The following NUP58 variants were observed in gnomAD, a reference collection of about 807,000 sequenced individuals.
NUP58 encodes the protein nucleoporin 58, also known as nucleoporin p58/p45.
Under a neutral mutation model 70.1 loss-of-function variants are expected in NUP58, and 17 were observed. The observed-to-expected ratio is 0.24, with a 90% CI of 0.17 to 0.36. The LOEUF (loss-of-function observed/expected upper bound fraction) is 0.36. Among genes scored for constraint, NUP58 ranks in the 10% least tolerant of loss-of-function variants. The probability of loss-of-function intolerance (pLI) is 1.00; values close to 1 mark genes in which losing one functional copy is unlikely to be tolerated. For synonymous variants in NUP58, 275 were observed against 257.6 expected (o/e 1.07, Z -0.65); for missense variants, 644 against 701.5 (o/e 0.92, Z 0.93).
At chr13:25,334,203 C>G (rs150140574) in intron 13 of NUP58, 15,707 of 985,366 alleles carry the variant, frequency 0.016, 147 homozygotes, top group Non-Finnish European at 0.017. Flanking sequence ...CAGAACTTGA[C>G]ACTTGTCTAT....
chr13:25,340,963 A>G lies in NUP58; in HGVS notation c.*829A>G, dbSNP rs1169763475. On this transcript the variant is annotated 3_prime_UTR_variant, in exon 16 of 16. Transcript: ENST00000381736. ...TAAAATATATATTTACAGGCCTACA[A>G]CTTTTGCCTCAGACTGTTCCCCTTT... 1.3e-5 allele frequency: 2 copies of G among 152,158 alleles called. No individual in the cohort carries two copies. Among genetic ancestry groups the G allele is most frequent in the Non-Finnish European group, 2.9e-5 (2 of 68,068 alleles). 9.4% of individuals were successfully genotyped at this position (152,158 alleles called of 1,614,324 possible). A position where few individuals can be genotyped will look rare whatever the true frequency, so the allele number is the denominator to read the frequency against.
intron 9 of NUP58, among the ~76,000 whole-genome samples, chr13:25,323,141 G>A (rs1434433255): frequency 6.6e-6 from 1 of 152,100 alleles, no homozygotes; most frequent in East Asian, 1.9e-4. Flanking sequence ...CTAGTAGGGT[G>A]AATGAAATAA....
Position 25,313,863 on chromosome 13 carries a change from A to G in NUP58, c.574+112A>G, listed in dbSNP as rs1232862441. 8 of 746,870 alleles carry G rather than the reference A, an allele frequency of 1.1e-5. No individual in the cohort carries two copies. The East Asian group carries it at 2.1e-4, about 19-fold the overall frequency. 46.3% of individuals were successfully genotyped at this position (746,870 alleles called of 1,614,324 possible). On this transcript the variant is annotated intron_variant, in intron 5 of 15. Coordinates refer to ENST00000381736, the MANE Select transcript of NUP58 (RefSeq NM_014089.4). Reference sequence around the variant, plus strand: ...TTTTAATCTGCATATTTTCCTTTAAATATGAAAACTAAATTATAAAATGAT... The same window carrying G: ...TTTTAATCTGCATATTTTCCTTTAAGTATGAAAACTAAATTATAAAATGAT...
Position 25,340,793 on chromosome 13 carries a change from C to T in NUP58, c.*659C>T, listed in dbSNP as rs2031931319. 6.6e-6 allele frequency: 1 copy of T among 151,942 alleles called. No individual in the cohort carries two copies. Among genetic ancestry groups the T allele is most frequent in the African/African-American group, 2.4e-5 (1 of 41,336 alleles). The allele number at this position is 151,942 out of a possible 1,614,324, so 9.4% of individuals were successfully genotyped here. Reference sequence around the variant, plus strand: ...ATTAGCTGGGCATAGTGGCGGGTACCTATAATCCCAGCTACTCGGGAGGCT... The same window carrying T: ...ATTAGCTGGGCATAGTGGCGGGTACTTATAATCCCAGCTACTCGGGAGGCT... On this transcript the variant is annotated 3_prime_UTR_variant, in exon 16 of 16. Transcript: ENST00000381736.
intron 1 of NUP58, among the ~76,000 whole-genome samples, chr13:25,302,326 A>C (rs776863589): frequency 2.0e-5 from 3 of 152,200 alleles, no homozygotes; most frequent in African/African-American, 7.2e-5. Flanking sequence ...ACGGTGTTTT[A>C]ATAACTTTGT....
intron 13 of NUP58, chr13:25,333,190 C>T (rs1356439068): frequency 2.0e-6 from 2 of 985,074 alleles, no homozygotes; most frequent in Non-Finnish European, 2.4e-6. Flanking sequence ...CATAGGTTTT[C>T]ACTTATACAT....
intron 6 of NUP58, among the ~76,000 whole-genome samples, chr13:25,318,722 G>C (rs993453248): frequency 6.6e-6 from 1 of 152,108 alleles, no homozygotes; most frequent in African/African-American, 2.4e-5. Context: ...TACATAACTG[G>C]CAAGGTTTTT....
At chr13:25,331,775 T>G in intron 13 of NUP58, 1 of 1,386,176 alleles carries the variant, frequency 7.2e-7, no homozygotes, top group Non-Finnish European at 9.3e-7. Flanking sequence ...TATTGAATAT[T>G]GTGAATCTAC....
chr13:25,312,015 A>G (rs2137738220), intron 3 of NUP58, among the ~76,000 whole-genome samples: 1 of 152,276 alleles, frequency 6.6e-6, no homozygotes, highest in Admixed American at 6.5e-5. Flanking sequence ...GACAATGAGG[A>G]CTTAGGTAAA....
chr13:25,307,953 G>A lies in NUP58; in HGVS notation c.250+5G>A. ...CTCTAGGAGGAACAAATACAGGTGA[G>A]GAGGATCTGATCACATTGTCAGAGA... is the stretch of plus-strand genomic sequence containing the variant. On this transcript the variant is annotated splice_donor_5th_base_variant and intron_variant, in intron 2 of 15. Transcript: ENST00000381736. The A allele has an allele frequency of 6.2e-7, 1 of 1,613,606 alleles. No individual in the cohort carries two copies. The highest frequency in any genetic ancestry group is 8.5e-7 in the Non-Finnish European group (1 of 1,179,760).
rs761248247 is a variant in NUP58 at position 25,325,043 on chromosome 13, C to G, written c.1006C>G (p.Gln336Glu). Residue 336 changes from glutamine (Q) to glutamate (E), a missense_variant, in exon 10 of 16, where the codon CAA becomes GAA. Transcript: ENST00000381736. Reference protein sequence around the residue: ...LRTQKTPPGLQHEYAAPADYF... With the variant: ...LRTQKTPPGLEHEYAAPADYF... ...AACCCAGAAGACACCACCTGGACTT[C>G]AACATGAATATGCAGCTCCTGCTGA... 16 of 1,610,076 alleles carry G rather than the reference C, an allele frequency of 9.9e-6. No individual in the cohort carries two copies. In the South Asian group the frequency reaches 1.8e-4, roughly 18 times the overall value.
chr13:25,334,160 A>G (rs1476032033), intron 13 of NUP58: 4 of 985,452 alleles, frequency 4.1e-6, no homozygotes, highest in Non-Finnish European at 4.8e-6. Flanking sequence ...AATCATGAGC[A>G]TCGATAACGT....
Position 25,313,679 on chromosome 13 carries a change from GGCCTCTC to G in NUP58, c.503_509del (p.Gly168ValfsTer2), listed in dbSNP as rs776347524. 6.5e-7 allele frequency: 1 copy of G among 1,531,692 alleles called. No individual in the cohort carries two copies. Among genetic ancestry groups the G allele is most frequent in the East Asian group, 2.6e-5 (1 of 38,728 alleles). The allele number at this position is 1,531,692 out of a possible 1,614,324, so 94.9% of individuals were successfully genotyped here. Reference sequence around the variant, plus strand: ...AGCCACAACTACAACTGCATCAACAGGCCTCTCTTTAGGGGGAGCCTTAGCTGGTTTG... The same window carrying G: ...AGCCACAACTACAACTGCATCAACAGTTTAGGGGGAGCCTTAGCTGGTTTG... On this transcript the variant is annotated frameshift_variant, in exon 5 of 16. Coordinates refer to ENST00000381736, the MANE Select transcript of NUP58 (RefSeq NM_014089.4). LOFTEE classifies it high-confidence loss of function.
chr13:25,327,666 T>A (rs1019486482), intron 12 of NUP58, among the ~76,000 whole-genome samples, 154 bp downstream of exon 12: 5 of 152,208 alleles, frequency 3.3e-5, no homozygotes, highest in Non-Finnish European at 1.5e-5. Context: ...TACCCAGACA[T>A]AACGATTGAT....
chr13:25,323,150 A>G (rs746789420), intron 9 of NUP58, among the ~76,000 whole-genome samples: 1 of 152,174 alleles, frequency 6.6e-6, no homozygotes, highest in Non-Finnish European at 1.5e-5. Flanking sequence ...TGAATGAAAT[A>G]ATAAAAGATT....
intron 3 of NUP58, among the ~76,000 whole-genome samples, chr13:25,310,853 C>A (rs1237055427): frequency 2.6e-5 from 4 of 152,156 alleles, no homozygotes; most frequent in African/African-American, 9.7e-5. Flanking sequence ...TTACTACTTC[C>A]TAACCATGCA....
At chr13:25,325,149 T>A in intron 10 of NUP58, 81 bp downstream of exon 10, 1 of 978,236 alleles carries the variant, frequency 1.0e-6, no homozygotes, top group Non-Finnish European at 1.6e-6. Context: ...AACTAAATAT[T>A]TTTAGTATAC....
Position 25,341,261 on chromosome 13 carries a change from C to T in NUP58, c.*1127C>T, listed in dbSNP as rs947175849. On this transcript the variant is annotated 3_prime_UTR_variant, in exon 16 of 16. Transcript: ENST00000381736. Reference sequence around the variant, plus strand: ...CATTTTATTATCCTGTGTGTCCTTACATTGCTTCTGTGAGATGTTTTTTTC... The same window carrying T: ...CATTTTATTATCCTGTGTGTCCTTATATTGCTTCTGTGAGATGTTTTTTTC... 5 of 152,562 alleles carry T rather than the reference C, an allele frequency of 3.3e-5. No individual in the cohort carries two copies. Among genetic ancestry groups the T allele is most frequent in the Non-Finnish European group, 5.9e-5 (4 of 68,016 alleles). The allele number at this position is 152,562 out of a possible 1,614,324, so 9.5% of individuals were successfully genotyped here. A position where few individuals can be genotyped will look rare whatever the true frequency, so the allele number is the denominator to read the frequency against.
Position 25,340,313 on chromosome 13 carries a change from G to T in NUP58, c.*179G>T. The T allele has an allele frequency of 3.7e-6, 2 of 535,244 alleles. No homozygotes were observed. The highest frequency in any genetic ancestry group is 6.1e-6 in the Non-Finnish European group (2 of 328,174). 33.2% of individuals were successfully genotyped at this position (535,244 alleles called of 1,614,324 possible). On this transcript the variant is annotated 3_prime_UTR_variant, in exon 16 of 16. Transcript: ENST00000381736. Reference sequence around the variant, plus strand: ...CATACTGAACATCTTTTTTCTTGTGGAATTTAAAGTCCAGCTGTGTTTTCT... The same window carrying T: ...CATACTGAACATCTTTTTTCTTGTGTAATTTAAAGTCCAGCTGTGTTTTCT...
Sources: gnomAD v4.1 joint callset for allele counts (sites outside exome capture counted in the v4.1 genomes callset) on GRCh38, gnomAD v4.1.1 for gene constraint, MANE v1.5 for transcripts, NCBI Gene and HGNC (gene_info 2026-07-23, HGNC 2026-07-21) for gene names.